The following RIT2 variants were observed in gnomAD, a reference collection of about 807,000 sequenced individuals.
RIT2 encodes the protein GTP-binding protein Rit2.
In RIT2, 24 loss-of-function variants were observed where a neutral mutation model predicts 23.7. The observed-to-expected ratio is 1.01, with a 90% CI of 0.73 to 1.43. RIT2 has a LOEUF of 1.43. Among genes scored for constraint, RIT2 ranks in the 40% most tolerant of loss-of-function variants. The pLI, the probability that RIT2 is intolerant of heterozygous loss-of-function variation, is 0.00. For synonymous variants in RIT2, 107 were observed against 91.1 expected (o/e 1.17, Z -0.99); for missense variants, 236 against 266.9 (o/e 0.88, Z 0.81).
intron 2 of RIT2, among the ~76,000 whole-genome samples, chr18:43,004,479 T>C (rs1911181997): frequency 6.6e-6 from 1 of 151,916 alleles, no homozygotes; most frequent in African/African-American, 2.4e-5. Context: ...AAAGCTTTTT[T>C]CAAAGTTAGC....
At chr18:42,980,015 G>C (rs184482913) in intron 2 of RIT2, among the ~76,000 whole-genome samples, 1 of 152,024 alleles carries the variant, frequency 6.6e-6, no homozygotes, top group Admixed American at 6.6e-5. Flanking sequence ...GGAAGACAAG[G>C]AGGGCTCTGC....
intron 2 of RIT2, among the ~76,000 whole-genome samples, chr18:42,989,530 G>T (rs1910790607): frequency 6.6e-6 from 1 of 152,082 alleles, no homozygotes; most frequent in Non-Finnish European, 1.5e-5. Context: ...AAGCAATATG[G>T]AAAAATATTA....
At chr18:42,967,536 ATTTTTTTTTTTT>A (rs397940927) in intron 3 of RIT2, among the ~76,000 whole-genome samples, 8 of 80,762 alleles carry the variant, frequency 9.9e-5, no homozygotes, top group African/African-American at 2.8e-4. Flanking sequence ...CGCCCGGCTA[ATTTTTTTTTTTT>A]TTTTTTTTTT....
chr18:42,912,691 T>G (rs540766782), intron 4 of RIT2, among the ~76,000 whole-genome samples: 47 of 152,048 alleles, frequency 3.1e-4, no homozygotes, highest in African/African-American at 1.1e-3. Flanking sequence ...CCATTACTCC[T>G]AAGAAAATTA....
rs145228554 is a variant in RIT2 at position 42,943,280 on chromosome 18, A to G, written c.235-19517T>C. Among the ~76,000 whole-genome samples the G allele has an allele frequency of 3.3e-3, 499 of 152,112 alleles. 4 individuals are homozygous for G. The highest frequency in any genetic ancestry group is 5.8e-3 in the South Asian group (28 of 4,824). On this transcript the variant is annotated intron_variant, in intron 3 of 4. Coordinates refer to ENST00000326695, the MANE Select transcript of RIT2 (RefSeq NM_002930.4). Reference sequence around the variant, plus strand: ...TACGGAATGCTGATTGGTACATTTTACAGCATGCTGATTGGTGCATTTTCC... The same window carrying G: ...TACGGAATGCTGATTGGTACATTTTGCAGCATGCTGATTGGTGCATTTTCC...
At chr18:43,098,170 G>A (rs1340364685) in intron 1 of RIT2, among the ~76,000 whole-genome samples, 1 of 151,876 alleles carries the variant, frequency 6.6e-6, no homozygotes, top group Non-Finnish European at 1.5e-5. Flanking sequence ...GAATTCACTT[G>A]TTTCTAAAGG....
At chr18:43,000,634 A>G (rs1014974533) in intron 2 of RIT2, among the ~76,000 whole-genome samples, 4 of 151,984 alleles carry the variant, frequency 2.6e-5, no homozygotes, top group Non-Finnish European at 4.4e-5. Context: ...TGATTGGATC[A>G]TGAAGGTGGT....
rs185317859 is a variant in RIT2, at chr18:42,849,007, A to G, written c.426+74565T>C. On this transcript the variant is annotated intron_variant, in intron 4 of 4. Transcript: ENST00000326695. ...CCAAAAGGAATACTTTTAAAAAACG[A>G]TTTTATATGTGTTAGCTTATTTAAT... 3.0e-4 allele frequency among the ~76,000 whole-genome samples: 45 copies of G among 152,308 alleles called. No homozygotes were observed. In the East Asian group the frequency reaches 7.9e-3, roughly 27 times the overall value.
At chr18:42,895,614 C>G in intron 4 of RIT2, among the ~76,000 whole-genome samples, 1 of 152,136 alleles carries the variant, frequency 6.6e-6, no homozygotes, top group Non-Finnish European at 1.5e-5. Flanking sequence ...ATTGGATTCA[C>G]CCGATTGAGG....
In RIT2 at chr18:42,814,657, A is replaced by C. The variant is rs981723215; in HGVS notation, c.427-70937T>G. ...ACCATGGTAACTGAAGTCAAAGGGC[A>C]AATACTCCTGGGAGTTCCAGGGCAC... On this transcript the variant is annotated intron_variant, in intron 4 of 4. Transcript: ENST00000326695. 2.0e-5 allele frequency among the ~76,000 whole-genome samples: 3 copies of C among 152,140 alleles called. No homozygotes were observed. The South Asian group carries it at 6.2e-4, about 31-fold the overall frequency.
At chr18:43,097,597 A>G (rs1913584664) in intron 1 of RIT2, among the ~76,000 whole-genome samples, 1 of 151,970 alleles carries the variant, frequency 6.6e-6, no homozygotes, top group Non-Finnish European at 1.5e-5. Context: ...GAGACAATGA[A>G]AAGTTCCTTT....
At chr18:42,894,557 A>AAGGCTATGCTGTGATCAGTC (rs1212171240) in intron 4 of RIT2, among the ~76,000 whole-genome samples, 4 of 152,210 alleles carry the variant, frequency 2.6e-5, no homozygotes, top group African/African-American at 9.6e-5. Flanking sequence ...ATGATAATTA[A>AAGGCTATGCTGTGATCAGTC]AGGCTATGCT....
At chr18:42,902,506 T>G (rs189528022) in intron 4 of RIT2, among the ~76,000 whole-genome samples, 111 of 151,716 alleles carry the variant, frequency 7.3e-4, no homozygotes, top group African/African-American at 2.6e-3. Flanking sequence ...GTGTACTTTA[T>G]AATTTACATA....
chr18:42,885,473 C>T (rs1266757811), intron 4 of RIT2, among the ~76,000 whole-genome samples: 1 of 152,082 alleles, frequency 6.6e-6, no homozygotes, highest in Admixed American at 6.6e-5. Flanking sequence ...GTAGTCCCAG[C>T]TACTTGGGAG....
intron 4 of RIT2, among the ~76,000 whole-genome samples, chr18:42,776,321 TA>T (rs1567993490): frequency 6.6e-6 from 1 of 152,180 alleles, no homozygotes; most frequent in African/African-American, 2.4e-5. Flanking sequence ...TGACACCTGT[TA>T]AACCTGTAGT....
At chr18:42,797,954 T>G (rs1329037475) in intron 4 of RIT2, among the ~76,000 whole-genome samples, 2 of 152,226 alleles carry the variant, frequency 1.3e-5, no homozygotes, top group East Asian at 3.8e-4. Context: ...ATACTCTTAT[T>G]TGCCAAATAT....
At chr18:43,109,844 T>G (rs1304761216) in intron 1 of RIT2, among the ~76,000 whole-genome samples, 1 of 152,020 alleles carries the variant, frequency 6.6e-6, no homozygotes, top group East Asian at 1.9e-4. Context: ...TTGACAACAT[T>G]TCACCAAATA....
intron 3 of RIT2, 90 bp from the exon 4 acceptor site, chr18:42,923,853 G>A (rs1298980616): frequency 9.6e-7 from 1 of 1,037,340 alleles, no homozygotes; most frequent in East Asian, 2.5e-5. Context: ...AAATTTGAAT[G>A]TTTTAAACTA....
At position 43,115,577 on chromosome 18, in the gene RIT2, G is replaced by A. The variant is rs1438275401; in HGVS notation, c.-58C>T. 4 of 1,578,920 alleles carry A rather than the reference G, an allele frequency of 2.5e-6. No homozygotes were observed. Among genetic ancestry groups the A allele is most frequent in the Non-Finnish European group, 3.4e-6 (4 of 1,168,322 alleles). ...AGAAAGTCACCCGTGTCAGGTGCTT[G>A]CTCGAATATTAAGCAACTCTAAAAC... On this transcript the variant is annotated 5_prime_UTR_variant, in exon 1 of 5. Coordinates refer to ENST00000326695, the MANE Select transcript of RIT2 (RefSeq NM_002930.4).
Sources: gnomAD v4.1 joint callset for allele counts (sites outside exome capture counted in the v4.1 genomes callset) on GRCh38, gnomAD v4.1.1 for gene constraint, MANE v1.5 for transcripts, NCBI Gene and HGNC (gene_info 2026-07-23, HGNC 2026-07-21) for gene names.